EYS: variants seen among roughly 807,000 people sequenced by gnomAD.
The protein encoded by EYS is EGF-like photoreceptor maintenance factor.
Under a neutral mutation model 282.1 loss-of-function variants are expected in EYS, and 250 were observed. That is an observed-to-expected ratio of 0.89 (90% CI 0.80 to 0.98). EYS has a LOEUF of 0.98. EYS is among the 50% of genes least tolerant of loss of function. The probability of loss-of-function intolerance (pLI) is 0.00; values close to 1 mark genes in which losing one functional copy is unlikely to be tolerated. For synonymous variants in EYS, 1,355 were observed against 1,282.9 expected (o/e 1.06, Z -1.20); for missense variants, 4,016 against 3,709.0 (o/e 1.08, Z -2.15).
Position 63,721,559 on chromosome 6 carries a change from T to G in EYS, c.8472A>C (p.Gly2824=). 6.4e-7 allele frequency: 1 copy of G among 1,551,828 alleles called. No homozygotes were observed. Among genetic ancestry groups the G allele is most frequent in the Middle Eastern group, 1.7e-4 (1 of 5,998 alleles). ...TTACAAGATTTAAAGAAGATACTCC[T>G]CCAATATAGAAGTCTGTATTTGTGT... ...SLDTNTDFYI[G]GVSSLNLVNP... The change falls in exon 43 of 43, where the codon GGA becomes GGC. Residue 2824 remains glycine (G), a synonymous_variant. Transcript: ENST00000503581.
chr6:64,675,139 T>C (rs992841101), intron 22 of EYS, among the ~76,000 whole-genome samples: 4 of 152,088 alleles, frequency 2.6e-5, no homozygotes, highest in Non-Finnish European at 4.4e-5. Context: ...TTTAAGCATT[T>C]TTGGCTCATT....
At chr6:63,898,797 AG>A (rs11299385) in intron 35 of EYS, among the ~76,000 whole-genome samples, 135,508 of 151,780 alleles carry the variant, frequency 0.89, 60,997 homozygotes, top group Non-Finnish European at 0.95. Flanking sequence ...CTCAGAGAAA[AG>A]AATGTAAGAT....
At chr6:65,396,140 A>G in intron 7 of EYS, among the ~76,000 whole-genome samples, 1 of 152,128 alleles carries the variant, frequency 6.6e-6, no homozygotes, top group East Asian at 1.9e-4. Context: ...CATTATTTCA[A>G]TATCTGCAAA....
At chr6:64,308,478 C>T (rs1325414870) in intron 29 of EYS, among the ~76,000 whole-genome samples, 3 of 151,930 alleles carry the variant, frequency 2.0e-5, no homozygotes, top group African/African-American at 7.2e-5. Flanking sequence ...AGATGCTGTC[C>T]TCTGATAAGC....
At chr6:64,717,339 G>A (rs777410268) in intron 22 of EYS, among the ~76,000 whole-genome samples, 2 of 152,144 alleles carry the variant, frequency 1.3e-5, no homozygotes, top group Admixed American at 1.3e-4. Flanking sequence ...TTTATTTGCA[G>A]CTGCTCCCCA....
chr6:65,567,944 T>C (rs891477429), intron 2 of EYS, among the ~76,000 whole-genome samples: 2 of 152,100 alleles, frequency 1.3e-5, no homozygotes, highest in African/African-American at 4.8e-5. Flanking sequence ...AAGATGAAGC[T>C]CAGGTTCTCT....
intron 1 of EYS, among the ~76,000 whole-genome samples, chr6:65,686,581 A>G (rs889843461): frequency 2.6e-5 from 4 of 152,130 alleles, no homozygotes; most frequent in Admixed American, 1.3e-4. Context: ...ATAAATGGGG[A>G]GAACAGGAGG....
intron 31 of EYS, among the ~76,000 whole-genome samples, chr6:64,211,355 C>A (rs1454579299): frequency 1.3e-5 from 2 of 152,040 alleles, no homozygotes; most frequent in Admixed American, 6.6e-5. Context: ...AGAAAAATAA[C>A]TTTTTATTGG....
intron 5 of EYS, among the ~76,000 whole-genome samples, chr6:65,466,862 G>A (rs778070959): frequency 2.0e-5 from 3 of 152,204 alleles, no homozygotes; most frequent in Non-Finnish European, 4.4e-5. Context: ...TGATAACTAA[G>A]CAGCACCACG....
intron 26 of EYS, among the ~76,000 whole-genome samples, chr6:64,484,168 T>C (rs973198408): frequency 6.6e-6 from 1 of 151,568 alleles, no homozygotes; most frequent in African/African-American, 2.4e-5. Flanking sequence ...CACCTTCCTG[T>C]GTATCTTAAG....
At chr6:64,574,669 T>G (rs1212653478) in intron 26 of EYS, among the ~76,000 whole-genome samples, 2 of 152,258 alleles carry the variant, frequency 1.3e-5, no homozygotes, top group Non-Finnish European at 2.9e-5. Flanking sequence ...AAACAAAAAC[T>G]GATATATTCA....
At position 64,010,723 on chromosome 6, in the gene EYS, G is replaced by T. The variant is rs543365418; in HGVS notation, c.6726-11540C>A. On this transcript the variant is annotated intron_variant, in intron 33 of 42. Transcript: ENST00000503581. ...TCTTCTGCTGTGCCCAACCCTACCT[G>T]CTGAATGAGAAACGTACCTGATCTT... is the stretch of plus-strand genomic sequence containing the variant. Among the ~76,000 whole-genome samples the T allele has an allele frequency of 8.5e-4, 130 of 152,144 alleles. 1 individual carries two copies. Among genetic ancestry groups the T allele is most frequent in the African/African-American group, 3.1e-3 (129 of 41,482 alleles).
chr6:64,772,800 T>C (rs1482797852), intron 22 of EYS, among the ~76,000 whole-genome samples: 1 of 151,646 alleles, frequency 6.6e-6, no homozygotes, highest in East Asian at 1.9e-4. Context: ...CACTTAACAT[T>C]ATGTCTTTTA....
At chr6:65,611,332 C>T (rs1562287039) in intron 2 of EYS, among the ~76,000 whole-genome samples, 1 of 151,874 alleles carries the variant, frequency 6.6e-6, no homozygotes, top group African/African-American at 2.4e-5. Context: ...TGCTTCCAAC[C>T]AGTTTTGGTG....
chr6:63,772,832 C>G (rs1769965795), intron 40 of EYS, among the ~76,000 whole-genome samples: 1 of 151,936 alleles, frequency 6.6e-6, no homozygotes, highest in African/African-American at 2.4e-5. Context: ...TCTCCCTTAC[C>G]CTATAGATAA....
At chr6:64,716,437 A>G (rs1771396264) in intron 22 of EYS, among the ~76,000 whole-genome samples, 1 of 152,214 alleles carries the variant, frequency 6.6e-6, no homozygotes, top group South Asian at 2.1e-4. Flanking sequence ...CTTGTTATCA[A>G]CATTGGTACA....
At chr6:65,060,057 G>C (rs1037918955) in intron 12 of EYS, among the ~76,000 whole-genome samples, 1 of 151,828 alleles carries the variant, frequency 6.6e-6, no homozygotes, top group Non-Finnish European at 1.5e-5. Flanking sequence ...CCATGAGCTT[G>C]TATTTCTAAA....
chr6:65,509,857 A>C (rs1408399197), intron 2 of EYS, among the ~76,000 whole-genome samples: 3 of 152,078 alleles, frequency 2.0e-5, no homozygotes, highest in African/African-American at 7.2e-5. Context: ...ATGTGAAGTG[A>C]CTTCTTCTAG....
intron 22 of EYS, among the ~76,000 whole-genome samples, chr6:64,707,275 A>C (rs559423927): frequency 6.6e-6 from 1 of 152,196 alleles, no homozygotes; most frequent in African/African-American, 2.4e-5. Flanking sequence ...CTTTTCACTC[A>C]TAAGTGGGAG....
Sources: allele counts gnomAD v4.1 joint callset (sites outside exome capture counted in the v4.1 genomes callset), GRCh38; gene constraint gnomAD v4.1.1; transcripts MANE v1.5; gene names NCBI Gene and HGNC (gene_info 2026-07-23, HGNC 2026-07-21).